NRXN2: variants seen among roughly 807,000 people sequenced by gnomAD.
The protein encoded by NRXN2 is neurexin-2-beta.
Under a neutral mutation model 128.8 loss-of-function variants are expected in NRXN2, and 29 were observed. The ratio of observed to expected loss-of-function variants is 0.23; its 90% CI spans 0.17 to 0.31. NRXN2 has a LOEUF of 0.31. Among genes scored for constraint, NRXN2 ranks in the 10% least tolerant of loss-of-function variants. The pLI is 1.00. For synonymous variants in NRXN2, 1,098 were observed against 1,075.2 expected, an observed-to-expected ratio of 1.02 and a Z score of -0.41; for missense variants, 1,881 against 2,452.6, an observed-to-expected ratio of 0.77 and a Z score of 4.92.
chr11:64,626,748 C>A (rs1342024419), intron 19 of NRXN2, among the ~76,000 whole-genome samples, 196 bp from the exon 20 acceptor site: 1 of 152,150 alleles, frequency 6.6e-6, no homozygotes, highest in East Asian at 1.9e-4. Context: ...GCCAGCCCCA[C>A]CCTGGGGGCA....
chr11:64,626,171 C>T (rs1753557765), intron 20 of NRXN2, among the ~76,000 whole-genome samples: 1 of 152,116 alleles, frequency 6.6e-6, no homozygotes, highest in Non-Finnish European at 1.5e-5. Flanking sequence ...CAGTGGGGAG[C>T]TCCCATGGTA....
intron 22 of NRXN2, among the ~76,000 whole-genome samples, chr11:64,613,062 T>A (rs1264343305): frequency 1.3e-5 from 2 of 152,140 alleles, no homozygotes; most frequent in Admixed American, 1.3e-4. Context: ...ACAGTGCCCC[T>A]CGCCACCCAC....
chr11:64,666,698 G>A (rs563287035), intron 9 of NRXN2, among the ~76,000 whole-genome samples: 1 of 152,102 alleles, frequency 6.6e-6, no homozygotes, highest in South Asian at 2.1e-4. Flanking sequence ...CAAGTAGCTG[G>A]GACTACAGGT....
intron 22 of NRXN2, among the ~76,000 whole-genome samples, chr11:64,616,132 C>A (rs1236763404): frequency 6.6e-6 from 1 of 152,100 alleles, no homozygotes; most frequent in Non-Finnish European, 1.5e-5. Context: ...GGGTTGAGCA[C>A]ACAGCCTGCC....
At chr11:64,643,220 G>C (rs948134313) in intron 17 of NRXN2, 1 of 983,022 alleles carries the variant, frequency 1.0e-6, no homozygotes, top group African/African-American at 1.8e-5. Context: ...TGGGGAGCGG[G>C]GCGGTGCGGG....
chr11:64,651,289 C>T lies in NRXN2; in HGVS notation c.2884G>A (p.Gly962Ser). 2 of 1,614,170 alleles carry T rather than the reference C, an allele frequency of 1.2e-6. No individual in the cohort carries two copies. The highest frequency in any genetic ancestry group is 8.5e-7 in the Non-Finnish European group (1 of 1,180,030). ...DGLLLFNSGN[G>S]NDFIVIELVK... ...AGCTCGATGACAATGAAGTCATTGCCGTTGCCCGAGTTGAACAGAAGAAGC... is the reference window on the plus strand; with the variant it reads ...AGCTCGATGACAATGAAGTCATTGCTGTTGCCCGAGTTGAACAGAAGAAGC... Residue 962 changes from glycine to serine, a missense_variant, in exon 14 of 23, where the codon GGC becomes AGC. Transcript: ENST00000265459. The surrounding 1 kb of genome is among the most constrained non-coding windows in gnomAD (Gnocchi z 5.9).
At chr11:64,643,132 T>A in intron 17 of NRXN2, 1 of 939,688 alleles carries the variant, frequency 1.1e-6, no homozygotes, top group Non-Finnish European at 1.2e-6. Context: ...GGGGGCATGG[T>A]GCCGAGTGGA....
Position 64,690,490 on chromosome 11 carries a change from A to G in NRXN2, c.779-14T>C, listed in dbSNP as rs1228064692. ...GTAAGGACCCTACTGGAGAAGCAGA[A>G]TTGGGGAGTCAGGCACAGGGGGTAC... On this transcript the variant is annotated splice_polypyrimidine_tract_variant and intron_variant, in intron 4 of 22. Transcript: ENST00000265459. The G allele has an allele frequency of 6.2e-7, 1 of 1,611,652 alleles. No homozygotes were observed.
intron 12 of NRXN2, 108 bp downstream of exon 12, chr11:64,653,588 C>T (rs2047800234): frequency 5.3e-6 from 6 of 1,134,410 alleles, no homozygotes; most frequent in Admixed American, 2.0e-5. Flanking sequence ...AACCCCCATT[C>T]GAGCCAGCAA....
intron 2 of NRXN2, among the ~76,000 whole-genome samples, chr11:64,708,023 G>A (rs948515767): frequency 3.9e-5 from 6 of 151,968 alleles, no homozygotes; most frequent in African/African-American, 4.8e-5. Flanking sequence ...GCTTGAACCC[G>A]GAAGGCAGAG....
In NRXN2 at chr11:64,660,590, G is replaced by A. The variant is rs1056145382; in HGVS notation, c.2186-55C>T. ...GAGAAGACAGGCAGAGGCCAGGGGA[G>A]GGAGAAGACCAGAGAATCATTACAA... On this transcript the variant is annotated intron_variant, in intron 10 of 22. Transcript: ENST00000265459. The surrounding 1 kb of genome is among the most constrained non-coding windows in gnomAD (Gnocchi z 5.2). 7 of 1,599,386 alleles carry A rather than the reference G, an allele frequency of 4.4e-6. No individual in the cohort carries two copies. Among genetic ancestry groups the A allele is most frequent in the Non-Finnish European group, 6.0e-6 (7 of 1,169,334 alleles).
rs769652578 is a variant in NRXN2 at position 64,648,281 on chromosome 11, T to C, written c.3341A>G (p.Gln1114Arg). The C allele has an allele frequency of 6.2e-7, 1 of 1,614,206 alleles. No homozygotes were observed. The highest frequency in any genetic ancestry group is 8.5e-7 in the Non-Finnish European group (1 of 1,180,030). The change falls in exon 17 of 23, where the codon CAG becomes CGG. Residue 1114 changes from glutamine to arginine, a missense_variant. By Grantham distance (43) the Gln-to-Arg change is conservative (BLOSUM62 1). This residue lies in a region of NRXN2 where 390 missense variants were observed against 599.6 expected (regional missense o/e 0.65). Transcript: ENST00000265459. The surrounding 1 kb of genome is among the most constrained non-coding windows in gnomAD (Gnocchi z 4.1). The part of the protein sequence containing the change: ...SCANQGVCLQ[Q>R]WDGFTCDCTM... ...GCAGTCGCAGGTGAAGCCATCCCAC[T>C]GCTGCAAGCAGACGCCCTGGTTGGC...
intron 17 of NRXN2, among the ~76,000 whole-genome samples, chr11:64,645,289 C>T (rs965929915): frequency 6.6e-6 from 1 of 151,816 alleles, no homozygotes; most frequent in Non-Finnish European, 1.5e-5. Context: ...AGAGGCCAAT[C>T]AATACCAGTG....
At chr11:64,720,884 G>A (rs2057416945) in intron 1 of NRXN2, among the ~76,000 whole-genome samples, 1 of 152,178 alleles carries the variant, frequency 6.6e-6, no homozygotes, top group Non-Finnish European at 1.5e-5. Context: ...AGGTGTATGA[G>A]GAAGAAGCAC....
At chr11:64,693,492 A>G (rs2054116926) in intron 3 of NRXN2, among the ~76,000 whole-genome samples, 1 of 152,156 alleles carries the variant, frequency 6.6e-6, no homozygotes, top group Admixed American at 6.5e-5. Context: ...CAACACCCCT[A>G]ATCCCAGTTA....
intron 2 of NRXN2, among the ~76,000 whole-genome samples, chr11:64,700,070 G>C (rs1321812272): frequency 6.6e-6 from 1 of 152,158 alleles, no homozygotes; most frequent in Non-Finnish European, 1.5e-5. Context: ...GCTGCTCTTT[G>C]CTTTCTGCTG....
Position 64,630,702 on chromosome 11 carries a change from TGGA to T in NRXN2, c.3586-132_3586-130del, listed in dbSNP as rs1167631864. On this transcript the variant is annotated intron_variant, in intron 18 of 22. Transcript: ENST00000265459. This position sits in a 1 kb window ranked among gnomAD's most constrained non-coding sequence, Gnocchi z 4.6. ...GGCACCTTTCCCAGGTCTCAACCGC[TGGA>T]GGAGGTGGGCAGGCTCGCTCCCCTT... The T allele has an allele frequency of 6.9e-5, 74 of 1,077,104 alleles. No individual in the cohort carries two copies. Among genetic ancestry groups the T allele is most frequent in the Non-Finnish European group, 9.3e-5 (68 of 729,008 alleles). The allele number at this position is 1,077,104 out of a possible 1,614,324, so 66.7% of individuals were successfully genotyped here. A position where few individuals can be genotyped will look rare whatever the true frequency, so the allele number is the denominator to read the frequency against.
rs1326405500 is a variant in NRXN2 at position 64,668,617 on chromosome 11, G to C, written c.1198-13C>G. ...CCGAGATGGTCACCTGTCCAGCCCA[G>C]GAGGGAGGGAGAAAGACAGGAGACA... On this transcript the variant is annotated splice_polypyrimidine_tract_variant and intron_variant, in intron 7 of 22. Coordinates refer to ENST00000265459, the MANE Select transcript of NRXN2 (RefSeq NM_015080.4). 1.2e-6 allele frequency: 2 copies of C among 1,612,712 alleles called. No homozygotes were observed. Among genetic ancestry groups the C allele is most frequent in the Admixed American group, 1.7e-5 (1 of 60,014 alleles).
chr11:64,651,291 T>C lies in NRXN2; in HGVS notation c.2882A>G (p.Asn961Ser). The change falls in exon 14 of 23, where the codon AAC becomes AGC. Residue 961 changes from asparagine (N) to serine (S), a missense_variant. By Grantham distance (46) the Asn-to-Ser change is conservative. Transcript: ENST00000265459. This position sits in a 1 kb window ranked among gnomAD's most constrained non-coding sequence, Gnocchi z 5.9. ...CTCGATGACAATGAAGTCATTGCCG[T>C]TGCCCGAGTTGAACAGAAGAAGCCC... The part of the protein sequence containing the change: ...PDGLLLFNSG[N>S]GNDFIVIELV... The C allele has an allele frequency of 6.2e-7, 1 of 1,614,178 alleles. No homozygotes were observed. Among genetic ancestry groups the C allele is most frequent in the Non-Finnish European group, 8.5e-7 (1 of 1,180,032 alleles).
Sources: allele counts gnomAD v4.1 joint callset (sites outside exome capture counted in the v4.1 genomes callset), GRCh38; gene constraint gnomAD v4.1.1; regional missense constraint gnomAD v4.1.1; non-coding constraint Gnocchi (gnomAD v3.1); transcripts MANE v1.5; gene names NCBI Gene and HGNC (gene_info 2026-07-23, HGNC 2026-07-21).